Variants in SAMD13 observed in about 807,000 individuals in gnomAD.
SAMD13 encodes the protein sterile alpha motif domain containing 13, also known as sterile alpha motif domain-containing protein 13.
Under a neutral mutation model 12.4 loss-of-function variants are expected in SAMD13, and 9 were observed. The ratio of observed to expected loss-of-function variants is 0.72; its 90% CI spans 0.44 to 1.26. SAMD13 has a LOEUF of 1.26. Among genes scored for constraint, SAMD13 ranks in the 50% most tolerant of loss-of-function variants. The pLI is 0.00. For missense variants in SAMD13, 84 were observed against 119.6 expected, an observed-to-expected ratio of 0.70 and a Z score of 1.39; for synonymous variants, 46 against 45.4, an observed-to-expected ratio of 1.01 and a Z score of -0.05.
chr1:84,304,707 C>T (rs916719381), intron 2 of SAMD13, among the ~76,000 whole-genome samples: 1 of 151,934 alleles, frequency 6.6e-6, no homozygotes, highest in Non-Finnish European at 1.5e-5. Flanking sequence ...GTTATGCTGT[C>T]ATTATAAATT....
chr1:84,330,944 A>T (rs546361958), intron 3 of SAMD13, among the ~76,000 whole-genome samples: 4 of 152,138 alleles, frequency 2.6e-5, no homozygotes, highest in African/African-American at 9.6e-5. Flanking sequence ...TTATCTCTTC[A>T]TTTTTCTCAA....
intron 3 of SAMD13, among the ~76,000 whole-genome samples, chr1:84,346,070 C>T (rs1381592206): frequency 1.3e-5 from 2 of 152,066 alleles, no homozygotes; most frequent in Non-Finnish European, 2.9e-5. Context: ...TTCTACTTCA[C>T]AAAAGTTACC....
At chr1:84,299,368 ACC>A (rs2101781131), upstream of SAMD13, among the ~76,000 whole-genome samples, 1 of 152,236 alleles carries the variant, frequency 6.6e-6, no homozygotes, top group South Asian at 2.1e-4. Context: ...GAATACTGAC[ACC>A]AAAGTTATTT....
chr1:84,302,079 T>C (rs1190761797), intron 1 of SAMD13: 1 of 152,224 alleles, frequency 6.6e-6, no homozygotes, highest in East Asian at 1.9e-4. Flanking sequence ...ATCAATGATC[T>C]AAGTGGTTTG....
At chr1:84,328,512 G>C (rs71652672) in intron 3 of SAMD13, among the ~76,000 whole-genome samples, 1 of 152,076 alleles carries the variant, frequency 6.6e-6, no homozygotes, top group Admixed American at 6.5e-5. Flanking sequence ...TTCAAATATC[G>C]TTTCTCCTTT....
At chr1:84,302,660 G>C (rs529112444) in intron 1 of SAMD13, 1 of 986,310 alleles carries the variant, frequency 1.0e-6, no homozygotes, top group African/African-American at 1.7e-5. Flanking sequence ...TCTCACAGAC[G>C]GGTTTTTGAG....
intron 3 of SAMD13, among the ~76,000 whole-genome samples, chr1:84,328,317 C>G (rs1356971368): frequency 6.6e-6 from 1 of 152,192 alleles, no homozygotes; most frequent in Non-Finnish European, 1.5e-5. Flanking sequence ...ATTCAGAAAT[C>G]CTTCAAGGGA....
intron 3 of SAMD13, among the ~76,000 whole-genome samples, chr1:84,339,220 C>G (rs1679369145): frequency 6.6e-6 from 1 of 152,096 alleles, no homozygotes; most frequent in Admixed American, 6.5e-5. Context: ...GACACTCTGA[C>G]TTTTTGAGTT....
chr1:84,340,788 C>T (rs886703315), intron 3 of SAMD13, among the ~76,000 whole-genome samples: 3 of 152,150 alleles, frequency 2.0e-5, no homozygotes, highest in Non-Finnish European at 4.4e-5. Flanking sequence ...AATGTATCAT[C>T]TTGACTGGGC....
intron 2 of SAMD13, among the ~76,000 whole-genome samples, chr1:84,313,337 C>T (rs1678756211): frequency 6.6e-6 from 1 of 152,096 alleles, no homozygotes; most frequent in Admixed American, 6.6e-5. Context: ...GAATTATAAA[C>T]TTTGGTACGT....
chr1:84,308,858 C>G (rs1678644740), intron 2 of SAMD13, among the ~76,000 whole-genome samples: 1 of 152,074 alleles, frequency 6.6e-6, no homozygotes, highest in Admixed American at 6.6e-5. Context: ...GAAGCAACTC[C>G]TAACCCAAAT....
Position 84,330,746 on chromosome 1 carries a change from A to G in SAMD13, c.165+4998A>G, listed in dbSNP as rs1230086428. Among the ~76,000 whole-genome samples the G allele has an allele frequency of 2.6e-5, 4 of 152,140 alleles. No individual in the cohort carries two copies. The East Asian group carries it at 5.8e-4, about 22-fold the overall frequency. The stretch of plus-strand genomic sequence containing the variant: ...ATGTCTTTGTCTGTTTGACTCACAT[A>G]CTTAGAATATATAAGAAGAAGATGG... On this transcript the variant is annotated intron_variant, in intron 3 of 3. Coordinates refer to ENST00000394834, the MANE Select transcript of SAMD13 (RefSeq NM_001134663.2).
rs559188322 is a variant in SAMD13, at chr1:84,336,640, T to A, written c.165+10892T>A. On this transcript the variant is annotated intron_variant, in intron 3 of 3. Transcript: ENST00000394834. ...GTGGGAATTCAAGATGAGATTTGGG[T>A]GGGGACACAGCCAAACCATATCACT... Among the ~76,000 whole-genome samples the A allele has an allele frequency of 8.5e-5, 13 of 152,268 alleles. 1 individual carries two copies. In the South Asian group the frequency reaches 1.7e-3, roughly 19 times the overall value.
In SAMD13 at chr1:84,322,186, C is replaced by T. The variant is rs187094356; in HGVS notation, c.54-3451C>T. Among the ~76,000 whole-genome samples, 4 of 152,202 alleles carry T rather than the reference C, an allele frequency of 2.6e-5. No individual in the cohort carries two copies. The East Asian group carries it at 5.8e-4, about 22-fold the overall frequency. ...CATCTGGTTTCCCTCACCAGATTGC[C>T]GGCTCCTTGAGGGCAGGGACTATGC... On this transcript the variant is annotated intron_variant, in intron 2 of 3. Coordinates refer to ENST00000394834, the MANE Select transcript of SAMD13 (RefSeq NM_001134663.2).
chr1:84,334,968 G>A (rs974333107), intron 3 of SAMD13, among the ~76,000 whole-genome samples: 1 of 152,032 alleles, frequency 6.6e-6, no homozygotes, highest in Non-Finnish European at 1.5e-5. Flanking sequence ...TATGCTAATT[G>A]TGTGGTCGAT....
intron 3 of SAMD13, among the ~76,000 whole-genome samples, chr1:84,336,573 C>T (rs974671552): frequency 5.9e-5 from 9 of 152,100 alleles, no homozygotes; most frequent in Non-Finnish European, 1.2e-4. Context: ...AAGACCTGCC[C>T]TCATGATTCA....
chr1:84,302,883 T>TTAAGTCAAAG (rs1678482690), intron 1 of SAMD13: 1 of 237,816 alleles, frequency 4.2e-6, no homozygotes. Flanking sequence ...AGTTGCAGTG[T>TTAAGTCAAAG]CTTAAGTGAG....
intron 3 of SAMD13, among the ~76,000 whole-genome samples, chr1:84,342,419 A>G (rs146914906): frequency 8.3e-4 from 127 of 152,352 alleles, no homozygotes; most frequent in Middle Eastern, 6.8e-3. Context: ...AGCAAAAAGA[A>G]CAAAGTTGGA....
At chr1:84,307,015 T>G (rs868039294) in intron 2 of SAMD13, among the ~76,000 whole-genome samples, 27 of 152,090 alleles carry the variant, frequency 1.8e-4, no homozygotes, top group Non-Finnish European at 1.5e-5. Flanking sequence ...GTTATGAGAC[T>G]TGGTGTGGTT....
Sources: gnomAD v4.1 joint callset for allele counts (sites outside exome capture counted in the v4.1 genomes callset) on GRCh38, gnomAD v4.1.1 for gene constraint, MANE v1.5 for transcripts, NCBI Gene and HGNC (gene_info 2026-07-23, HGNC 2026-07-21) for gene names.